RBFOX1: variants seen among roughly 807,000 people sequenced by gnomAD.
The protein encoded by RBFOX1 is RNA binding protein fox-1 homolog 1.
A neutral mutation model predicts 57.7 loss-of-function variants in RBFOX1; 8 were observed. That is an observed-to-expected ratio of 0.14 (90% confidence interval 0.08 to 0.25). The LOEUF (loss-of-function observed/expected upper bound fraction) is 0.25. Among genes scored for constraint, RBFOX1 ranks in the 10% least tolerant of loss-of-function variants. The pLI, the probability that RBFOX1 is intolerant of heterozygous loss-of-function variation, is 1.00. For missense variants in RBFOX1, 611 were observed against 548.5 expected, an observed-to-expected ratio of 1.11 and a Z score of -1.14; for synonymous variants, 326 against 222.4, an observed-to-expected ratio of 1.47 and a Z score of -4.15.
intron 2 of RBFOX1, among the ~76,000 whole-genome samples, chr16:6,367,462 G>A (rs186666842): frequency 2.0e-5 from 3 of 152,120 alleles, no homozygotes; most frequent in African/African-American, 7.2e-5. Context: ...ACTAGAGACA[G>A]GGTTTCACTA....
chr16:6,264,177 T>A (rs1184240019), intron 1 of RBFOX1, among the ~76,000 whole-genome samples: 3 of 152,204 alleles, frequency 2.0e-5, no homozygotes, highest in African/African-American at 7.2e-5. Context: ...TGTTTGGTTT[T>A]TCAGTGTTCT....
In RBFOX1 at chr16:6,124,811, A is replaced by T. The variant is rs145266841; in HGVS notation, c.-127+104819A>T. ...CCAAAATGGTAGGATTACAGGCATG[A>T]GTCACCGTGCCTGGCGCCAATTCAA... On this transcript the variant is annotated intron_variant, in intron 1 of 15. Transcript: ENST00000550418. Among the ~76,000 whole-genome samples the T allele has an allele frequency of 9.2e-3, 1,395 of 152,246 alleles. 28 individuals carry two copies. Among genetic ancestry groups the T allele is most frequent in the African/African-American group, 0.031 (1,295 of 41,546 alleles).
intron 4 of RBFOX1, among the ~76,000 whole-genome samples, chr16:7,378,562 G>C (rs2097727556): frequency 1.3e-5 from 2 of 152,196 alleles, no homozygotes; most frequent in African/African-American, 4.8e-5. Flanking sequence ...CTCCAGCCTA[G>C]GGATGCATTT....
intron 3 of RBFOX1, among the ~76,000 whole-genome samples, chr16:6,993,481 C>T (rs1299373566): frequency 6.6e-6 from 1 of 152,106 alleles, no homozygotes; most frequent in African/African-American, 2.4e-5. Context: ...TGGGGAAAGC[C>T]ATCCTGTTGC....
rs920259331 is a variant in RBFOX1, at chr16:6,771,209, C to G, written c.-16+116559C>G. Among the ~76,000 whole-genome samples the G allele has an allele frequency of 1.2e-3, 181 of 152,292 alleles. 1 individual carries two copies. Among genetic ancestry groups the G allele is most frequent in the African/African-American group, 4.2e-3 (174 of 41,566 alleles). On this transcript the variant is annotated intron_variant, in intron 3 of 15. Coordinates refer to ENST00000550418, the MANE Select transcript of RBFOX1 (RefSeq NM_018723.4). ...GAGGCTTCAGAAGAAACCAACACTG[C>G]AAACACCTTAGTCTTGAACTTCTAC...
intron 3 of RBFOX1, chr16:6,704,306 T>C (rs1382916745): frequency 6.6e-6 from 1 of 152,176 alleles, no homozygotes; most frequent in Admixed American, 6.5e-5. Flanking sequence ...CCTCTTGAGC[T>C]AAAACAGAAA....
intron 3 of RBFOX1, among the ~76,000 whole-genome samples, chr16:7,028,701 C>G (rs965582449): frequency 3.3e-5 from 5 of 149,542 alleles, no homozygotes; most frequent in African/African-American, 1.2e-4. Flanking sequence ...AAAATGTGAA[C>G]CAACTGTGAA....
intron 4 of RBFOX1, among the ~76,000 whole-genome samples, chr16:7,158,591 C>A (rs2077626737): frequency 6.6e-6 from 1 of 151,624 alleles, no homozygotes; most frequent in African/African-American, 2.4e-5. Context: ...GTGTATGTGC[C>A]TGTGTCCTGT....
At chr16:5,288,534 C>T (rs1415495286) in intron 1 of RBFOX1, among the ~76,000 whole-genome samples, 1 of 152,074 alleles carries the variant, frequency 6.6e-6, no homozygotes, top group African/African-American at 2.4e-5. Context: ...TCAGGTTGGT[C>T]TGGCTTCAAC....
intron 1 of RBFOX1, among the ~76,000 whole-genome samples, chr16:6,063,846 C>T (rs947608233): frequency 1.3e-5 from 2 of 152,192 alleles, no homozygotes; most frequent in South Asian, 2.1e-4. Context: ...GCCTCCTTGT[C>T]CTTAAGTTGT....
At chr16:5,850,938 A>G (rs188162317) in intron 3 of RBFOX1, among the ~76,000 whole-genome samples, 1 of 152,224 alleles carries the variant, frequency 6.6e-6, no homozygotes, top group South Asian at 2.1e-4. Context: ...TGGAGATGGC[A>G]TCGGGCATAT....
chr16:5,720,003 G>A (rs2051868358), intron 3 of RBFOX1, among the ~76,000 whole-genome samples: 1 of 151,846 alleles, frequency 6.6e-6, no homozygotes, highest in African/African-American at 2.4e-5. Context: ...TTTCCGAAGC[G>A]GCTGCACCAT....
At chr16:5,658,851 A>G (rs1001802263) in intron 3 of RBFOX1, among the ~76,000 whole-genome samples, 2 of 148,414 alleles carry the variant, frequency 1.3e-5, no homozygotes, top group Admixed American at 6.8e-5. Flanking sequence ...TAATATATGT[A>G]TATATATGTG....
intron 2 of RBFOX1, among the ~76,000 whole-genome samples, chr16:6,614,935 T>G (rs2098121378): frequency 6.6e-6 from 1 of 152,222 alleles, no homozygotes; most frequent in Non-Finnish European, 1.5e-5. Context: ...ATCTTTTTGT[T>G]GCTAACAGAC....
chr16:7,474,225 TG>T (rs1462447731), intron 4 of RBFOX1, among the ~76,000 whole-genome samples: 32 of 152,100 alleles, frequency 2.1e-4, no homozygotes, highest in Non-Finnish European at 2.6e-4. Context: ...AGGCGGAAGT[TG>T]CAGTGAGCCG....
chr16:6,959,976 C>T (rs537953523), intron 3 of RBFOX1, among the ~76,000 whole-genome samples: 2 of 151,996 alleles, frequency 1.3e-5, no homozygotes, highest in South Asian at 4.2e-4. Context: ...AAGCCAGTGC[C>T]CTTAAACAAA....
rs2148594159 is a variant in RBFOX1 at position 7,709,418 on chromosome 16, C to G, written c.1071+287C>G. On this transcript the variant is annotated intron_variant, in intron 15 of 15. Coordinates refer to ENST00000550418, the MANE Select transcript of RBFOX1 (RefSeq NM_018723.4). Reference sequence around the variant, plus strand: ...TAGTCATTTTGATAATTAAATCCATCACTAACAGAATGCAGTGTCAATGCA... The same window carrying G: ...TAGTCATTTTGATAATTAAATCCATGACTAACAGAATGCAGTGTCAATGCA... The G allele has an allele frequency of 4.6e-6, 6 of 1,306,076 alleles. No individual in the cohort carries two copies. The South Asian group carries it at 6.5e-5, about 14-fold the overall frequency. The allele number at this position is 1,306,076 out of a possible 1,614,324, so 80.9% of individuals were successfully genotyped here.
At chr16:6,621,860 A>G (rs1478017093) in intron 2 of RBFOX1, among the ~76,000 whole-genome samples, 1 of 152,200 alleles carries the variant, frequency 6.6e-6, no homozygotes, top group Non-Finnish European at 1.5e-5. Flanking sequence ...ACGCTTGACG[A>G]ACAAGGTTTG....
intron 4 of RBFOX1, among the ~76,000 whole-genome samples, chr16:7,497,271 A>C (rs1485479849): frequency 1.3e-5 from 2 of 152,080 alleles, no homozygotes. Context: ...TACTCCAGCC[A>C]TATTATCCTG....
Sources: allele counts gnomAD v4.1 joint callset (sites outside exome capture counted in the v4.1 genomes callset), GRCh38; gene constraint gnomAD v4.1.1; transcripts MANE v1.5; gene names NCBI Gene and HGNC (gene_info 2026-07-23, HGNC 2026-07-21).